FOXC1: variants seen among roughly 807,000 people sequenced by gnomAD.
The protein encoded by FOXC1 is forkhead box protein C1.
Under a neutral mutation model 8.1 loss-of-function variants are expected in FOXC1, and 5 were observed. That is an observed-to-expected ratio of 0.62 (90% CI 0.32 to 1.30). FOXC1 has a LOEUF of 1.30. FOXC1 is among the 50% of genes most tolerant of loss of function. The pLI is 0.05. For synonymous variants in FOXC1, 552 were observed against 417.2 expected, an observed-to-expected ratio of 1.32 and a Z score of -3.94; for missense variants, 942 against 858.0, an observed-to-expected ratio of 1.10 and a Z score of -1.22.
chr6:1,613,065 T>A lies in FOXC1; in HGVS notation c.*958T>A, dbSNP rs549895092. Reference sequence around the variant, plus strand: ...TGAGGCTAGTAAAAAGATATTTTTCTAAACAGATTGGAGTTGGCATATAAA... The same window carrying A: ...TGAGGCTAGTAAAAAGATATTTTTCAAAACAGATTGGAGTTGGCATATAAA... On this transcript the variant is annotated 3_prime_UTR_variant, in exon 1 of 1. Coordinates refer to ENST00000645831, the MANE Select transcript of FOXC1 (RefSeq NM_001453.3). 8.0e-4 allele frequency: 188 copies of A among 234,906 alleles called. No individual in the cohort carries two copies. The highest frequency in any genetic ancestry group is 2.8e-3 in the Admixed American group (48 of 17,316). The allele number at this position is 234,906 out of a possible 1,614,324, so 14.6% of individuals were successfully genotyped here.
chr6:1,611,107 T>C lies in FOXC1; in HGVS notation c.662T>C (p.Val221Ala), dbSNP rs768405602. The C allele has an allele frequency of 7.3e-7, 1 of 1,377,426 alleles. No homozygotes were observed. The highest frequency in any genetic ancestry group is 1.6e-5 in the South Asian group (1 of 61,624). The allele number at this position is 1,377,426 out of a possible 1,614,324, so 85.3% of individuals were successfully genotyped here. Residue 221 changes from valine to alanine, a missense_variant, in exon 1 of 1, where the codon GTG (valine) becomes GCG (alanine). Physicochemically the swap from Val to Ala is moderately conservative, Grantham distance 64. Around this residue, in one of 4 missense-constraint regions of FOXC1, gnomAD observed 726 missense variants for 599.6 expected, o/e 1.21. Transcript: ENST00000645831. This position sits in a 1 kb window ranked among gnomAD's most constrained non-coding sequence, Gnocchi z 7.1. ...GNAPGPQPPP[V>A]RIQDIKTENG... Reference sequence around the variant, plus strand: ...GCGCCCGGTCCGCAGCCGCCGCCCGTGCGCATCCAGGACATCAAGACCGAG... The same window carrying C: ...GCGCCCGGTCCGCAGCCGCCGCCCGCGCGCATCCAGGACATCAAGACCGAG...
Position 1,611,022 on chromosome 6 carries a change from G to T in FOXC1, c.577G>T (p.Glu193Ter). ...GGAGAAGGACAGGCTGCACCTCAAG[G>T]AGCCGCCCCCGCCCGGCCGCCAGCC... Reference protein sequence around the residue: ...KEEKDRLHLKEPPPPGRQPPP... With the variant: ...KEEKDRLHLK Residue 193 changes from glutamate to a stop codon, truncating the protein, a stop_gained, in exon 1 of 1, where the codon GAG becomes TAG. Transcript: ENST00000645831. LOFTEE classifies it low-confidence loss of function (END_TRUNC). The surrounding 1 kb of genome is among the most constrained non-coding windows in gnomAD (Gnocchi z 7.1). 6.3e-7 allele frequency: 1 copy of T among 1,582,826 alleles called. No individual in the cohort carries two copies. The highest frequency in any genetic ancestry group is 8.6e-7 in the Non-Finnish European group (1 of 1,165,658).
At position 1,611,159 on chromosome 6, in the gene FOXC1, GC is replaced by G; in HGVS notation, c.718del (p.Leu240CysfsTer75). On this transcript the variant is annotated frameshift_variant, in exon 1 of 1. Transcript: ENST00000645831. LOFTEE classifies it low-confidence loss of function (END_TRUNC). The surrounding 1 kb of genome is among the most constrained non-coding windows in gnomAD (Gnocchi z 7.1). ...ACGGTACGTGCCCCTCGCCGCCCCA[GC>G]CCCTGTCCCCGGCCGCCGCCCTGGG... Reference protein sequence around the residue: ...ENGTCPSPPQPLSPAAALGSG... With the variant: ...ENGTCPSPPQXLSPAAALGSG... The G allele has an allele frequency of 6.9e-7, 1 of 1,452,464 alleles. No individual in the cohort carries two copies. The highest frequency in any genetic ancestry group is 2.3e-5 in the Admixed American group (1 of 43,424). The allele number at this position is 1,452,464 out of a possible 1,614,324, so 90.0% of individuals were successfully genotyped here.
Position 1,611,793 on chromosome 6 carries a change from G to A in FOXC1, c.1348G>A (p.Gly450Ser), listed in dbSNP as rs1172493132. The A allele has an allele frequency of 6.8e-7, 1 of 1,463,172 alleles. No individual in the cohort carries two copies. The highest frequency in any genetic ancestry group is 9.0e-7 in the Non-Finnish European group (1 of 1,111,416). 90.6% of individuals were successfully genotyped at this position (1,463,172 alleles called of 1,614,324 possible). ...SSSSLSHGGG[G>S]GGGGGGQEAG... Reference sequence around the variant, plus strand: ...GTCGTCCCTGAGTCACGGCGGCGGCGGCGGCGGCGGCGGGGGAGGCCAGGA... The same window carrying A: ...GTCGTCCCTGAGTCACGGCGGCGGCAGCGGCGGCGGCGGGGGAGGCCAGGA... The change falls in exon 1 of 1, where the codon GGC becomes AGC. Residue 450 changes from glycine (G) to serine (S), a missense_variant. Gly to Ser is a moderately conservative substitution (Grantham distance 56, BLOSUM62 0). This residue lies in a region of FOXC1 where 726 missense variants were observed against 599.6 expected (regional missense o/e 1.21). Transcript: ENST00000645831. The surrounding 1 kb of genome is among the most constrained non-coding windows in gnomAD (Gnocchi z 7.1).
At position 1,611,404 on chromosome 6, in the gene FOXC1, C is replaced by T. The variant is rs1762543165; in HGVS notation, c.959C>T (p.Ser320Leu). The T allele has an allele frequency of 2.1e-6, 3 of 1,448,602 alleles. No homozygotes were observed. Among genetic ancestry groups the T allele is most frequent in the South Asian group, 1.3e-5 (1 of 76,612 alleles). The allele number at this position is 1,448,602 out of a possible 1,614,324, so 89.7% of individuals were successfully genotyped here. The change falls in exon 1 of 1, where the codon TCG becomes TTG. Residue 320 changes from serine to leucine, a missense_variant. Transcript: ENST00000645831. The surrounding 1 kb of genome is among the most constrained non-coding windows in gnomAD (Gnocchi z 7.1). ...VDNIMTSLRGSPQSAAAELSS... is the reference protein window; with the variant it reads ...VDNIMTSLRGLPQSAAAELSS... Reference sequence around the variant, plus strand: ...AACATCATGACGTCGCTGCGGGGGTCGCCGCAGAGCGCGGCCGCGGAGCTC... The same window carrying T: ...AACATCATGACGTCGCTGCGGGGGTTGCCGCAGAGCGCGGCCGCGGAGCTC...
rs1488149748 is a variant in FOXC1, at chr6:1,612,129, A to C, written c.*22A>C. The C allele has an allele frequency of 6.2e-7, 1 of 1,613,906 alleles. No homozygotes were observed. The highest frequency in any genetic ancestry group is 8.5e-7 in the Non-Finnish European group (1 of 1,180,008). ...TTGACACACCCTCAAAGCCGAACTAAATCGAACCCCAAAGCAGGAAAAGCT... is the reference window on the plus strand; with the variant it reads ...TTGACACACCCTCAAAGCCGAACTACATCGAACCCCAAAGCAGGAAAAGCT... On this transcript the variant is annotated 3_prime_UTR_variant, in exon 1 of 1. Transcript: ENST00000645831.
At position 1,612,412 on chromosome 6, in the gene FOXC1, C is replaced by G. The variant is rs1037993239; in HGVS notation, c.*305C>G. 3 of 517,734 alleles carry G rather than the reference C, an allele frequency of 5.8e-6. No individual in the cohort carries two copies. Among genetic ancestry groups the G allele is most frequent in the Non-Finnish European group, 1.1e-5 (3 of 281,404 alleles). The allele number at this position is 517,734 out of a possible 1,614,324, so 32.1% of individuals were successfully genotyped here. On this transcript the variant is annotated 3_prime_UTR_variant, in exon 1 of 1. Transcript: ENST00000645831. ...TGGTTTATTAAAGGACAGTGTTACT[C>G]CAGATAACACGTAAGTTTCTTCTTG...
rs1762595952 is a variant in FOXC1, at chr6:1,613,706, A to G, written c.*1599A>G. ...GCCCTGCCAATCAGACTTTGGGGAG[A>G]TGGCGATTTGATTACAGACGTTCGG... On this transcript the variant is annotated 3_prime_UTR_variant, in exon 1 of 1. Coordinates refer to ENST00000645831, the MANE Select transcript of FOXC1 (RefSeq NM_001453.3). The G allele has an allele frequency of 7.3e-6, 1 of 136,906 alleles. No individual in the cohort carries two copies. Among genetic ancestry groups the G allele is most frequent in the African/African-American group, 3.3e-5 (1 of 30,426 alleles). 8.5% of individuals were successfully genotyped at this position (136,906 alleles called of 1,614,324 possible).
chr6:1,611,440 T>C lies in FOXC1; in HGVS notation c.995T>C (p.Leu332Pro), dbSNP rs780556121. The C allele has an allele frequency of 7.1e-7, 1 of 1,406,342 alleles. No homozygotes were observed. Among genetic ancestry groups the C allele is most frequent in the Admixed American group, 2.8e-5 (1 of 36,188 alleles). 87.1% of individuals were successfully genotyped at this position (1,406,342 alleles called of 1,614,324 possible). ...QSAAAELSSG[L>P]LASAAASSRA... The stretch of plus-strand genomic sequence containing the variant: ...GCGGCCGCGGAGCTCAGCTCCGGCC[T>C]TCTGGCCTCGGCGGCCGCGTCCTCG... The change falls in exon 1 of 1, where the codon CTT (leucine) becomes CCT (proline). Residue 332 changes from leucine to proline, a missense_variant. By Grantham distance (98) the Leu-to-Pro change is moderately conservative (BLOSUM62 -3). Around this residue, in one of 4 missense-constraint regions of FOXC1, gnomAD observed 726 missense variants for 599.6 expected, o/e 1.21. Coordinates refer to ENST00000645831, the MANE Select transcript of FOXC1 (RefSeq NM_001453.3). The surrounding 1 kb of genome is among the most constrained non-coding windows in gnomAD (Gnocchi z 7.1).
At position 1,611,045 on chromosome 6, in the gene FOXC1, G is replaced by C. The variant is rs549370363; in HGVS notation, c.600G>C (p.Gln200His). The C allele has an allele frequency of 2.1e-4, 312 of 1,515,920 alleles. 6 individuals are homozygous for C. The South Asian group carries it at 3.6e-3, about 18-fold the overall frequency. 93.9% of individuals were successfully genotyped at this position (1,515,920 alleles called of 1,614,324 possible). ...HLKEPPPPGR[Q>H]PPPAPPEQAD... Reference sequence around the variant, plus strand: ...AGGAGCCGCCCCCGCCCGGCCGCCAGCCCCCGCCCGCGCCGCCGGAGCAGG... The same window carrying C: ...AGGAGCCGCCCCCGCCCGGCCGCCACCCCCCGCCCGCGCCGCCGGAGCAGG... The change falls in exon 1 of 1, where the codon CAG becomes CAC. Residue 200 changes from glutamine (Q) to histidine (H), a missense_variant. Transcript: ENST00000645831. The surrounding 1 kb of genome is among the most constrained non-coding windows in gnomAD (Gnocchi z 7.1).
rs116336796 is a variant in FOXC1 at position 1,612,212 on chromosome 6, C to A, written c.*105C>A. ...AAAAAAAAAATCCAATTAAAAAAAA[C>A]CCCTGAGAATATTCACCACACCAGC... On this transcript the variant is annotated 3_prime_UTR_variant, in exon 1 of 1. Transcript: ENST00000645831. 62,936 of 1,529,766 alleles carry A rather than the reference C, an allele frequency of 0.041. 1,552 individuals are homozygous for A. The highest frequency in any genetic ancestry group is 0.045 in the Non-Finnish European group (51,167 of 1,127,614). 94.8% of individuals were successfully genotyped at this position (1,529,766 alleles called of 1,614,324 possible).
Position 1,610,856 on chromosome 6 carries a change from C to T in FOXC1, c.411C>T (p.Val137=). The T allele has an allele frequency of 1.2e-6, 2 of 1,614,102 alleles. No homozygotes were observed. Among genetic ancestry groups the T allele is most frequent in the East Asian group, 2.2e-5 (1 of 44,852 alleles). Residue 137 remains valine (V), a synonymous_variant, in exon 1 of 1, where the codon GTC becomes GTT. Coordinates refer to ENST00000645831, the MANE Select transcript of FOXC1 (RefSeq NM_001453.3). ...ACCTCTCGCTCAACGAGTGCTTCGT[C>T]AAGGTGCCGCGCGACGACAAGAAGC... is the stretch of plus-strand genomic sequence containing the variant. ...RHNLSLNECF[V]KVPRDDKKPG...
Position 1,610,682 on chromosome 6 carries a change from G to T in FOXC1, c.237G>T (p.Pro79=), listed in dbSNP as rs1762520369. 6.2e-7 allele frequency: 1 copy of T among 1,613,772 alleles called. No individual in the cohort carries two copies. The highest frequency in any genetic ancestry group is 2.2e-5 in the East Asian group (1 of 44,816). ...CGCAGCCCAAGGACATGGTGAAGCC[G>T]CCCTATAGCTACATCGCGCTCATCA... ...PQPQPKDMVK[P]PYSYIALITM... The change falls in exon 1 of 1, where the codon CCG becomes CCT. Residue 79 remains proline, a synonymous_variant. Transcript: ENST00000645831.
Position 1,611,320 on chromosome 6 carries a change from C to A in FOXC1, c.875C>A (p.Pro292Gln). The part of the protein sequence containing the change: ...PLSLDGADSA[P>Q]PPPAPSAPPP... ...AGCCTGGACGGTGCGGATTCCGCGC[C>A]GCCGCCGCCCGCGCCCTCCGCCCCG... is the stretch of plus-strand genomic sequence containing the variant. The change falls in exon 1 of 1, where the codon CCG (proline) becomes CAG (glutamine). Residue 292 changes from proline to glutamine, a missense_variant. Pro to Gln is a moderately conservative substitution (Grantham distance 76). This residue lies in a region of FOXC1 where 726 missense variants were observed against 599.6 expected (regional missense o/e 1.21). Coordinates refer to ENST00000645831, the MANE Select transcript of FOXC1 (RefSeq NM_001453.3). This position sits in a 1 kb window ranked among gnomAD's most constrained non-coding sequence, Gnocchi z 7.1. The A allele has an allele frequency of 1.4e-6, 2 of 1,411,270 alleles. No individual in the cohort carries two copies. The highest frequency in any genetic ancestry group is 1.8e-6 in the Non-Finnish European group (2 of 1,081,366). The allele number at this position is 1,411,270 out of a possible 1,614,324, so 87.4% of individuals were successfully genotyped here.
In FOXC1 at chr6:1,611,321, G is replaced by C. The variant is rs1177538115; in HGVS notation, c.876G>C (p.Pro292=). ...GCCTGGACGGTGCGGATTCCGCGCC[G>C]CCGCCGCCCGCGCCCTCCGCCCCGC... ...PLSLDGADSA[P]PPPAPSAPPP... is the part of the protein sequence containing the mutation. The change falls in exon 1 of 1, where the codon CCG becomes CCC. Residue 292 remains proline, a synonymous_variant. Transcript: ENST00000645831. This position sits in a 1 kb window ranked among gnomAD's most constrained non-coding sequence, Gnocchi z 7.1. The C allele has an allele frequency of 7.1e-7, 1 of 1,414,046 alleles. No homozygotes were observed. Among genetic ancestry groups the C allele is most frequent in the Non-Finnish European group, 9.2e-7 (1 of 1,082,692 alleles). The allele number at this position is 1,414,046 out of a possible 1,614,324, so 87.6% of individuals were successfully genotyped here.
Position 1,612,443 on chromosome 6 carries a change from C to T in FOXC1, c.*336C>T, listed in dbSNP as rs1339287626. 3 of 464,568 alleles carry T rather than the reference C, an allele frequency of 6.5e-6. No individual in the cohort carries two copies. Among genetic ancestry groups the T allele is most frequent in the East Asian group, 4.0e-5 (1 of 25,266 alleles). 28.8% of individuals were successfully genotyped at this position (464,568 alleles called of 1,614,324 possible). On this transcript the variant is annotated 3_prime_UTR_variant, in exon 1 of 1. Transcript: ENST00000645831. The stretch of plus-strand genomic sequence containing the variant: ...AACACGTAAGTTTCTTCTTGCTTTT[C>T]AGAGACCTGCTTTCCCCTCCTCCCG...
At position 1,610,565 on chromosome 6, in the gene FOXC1, G is replaced by T. The variant is rs1239393971; in HGVS notation, c.120G>T (p.Met40Ile). Residue 40 changes from methionine (M) to isoleucine (I), a missense_variant, in exon 1 of 1, where the codon ATG becomes ATT. Coordinates refer to ENST00000645831, the MANE Select transcript of FOXC1 (RefSeq NM_001453.3). ...AAAAGGGYTA[M>I]PAPMSVYSHP... ...CGGCCGGGGGCGGCTACACCGCCAT[G>T]CCGGCCCCCATGAGCGTGTACTCGC... The T allele has an allele frequency of 5.1e-6, 8 of 1,573,830 alleles. No homozygotes were observed. Among genetic ancestry groups the T allele is most frequent in the Non-Finnish European group, 6.9e-6 (8 of 1,160,994 alleles).
rs759065232 is a variant in FOXC1, at chr6:1,610,715, C to T, written c.270C>T (p.Ala90=). The T allele has an allele frequency of 1.2e-6, 2 of 1,614,010 alleles. No individual in the cohort carries two copies. Among genetic ancestry groups the T allele is most frequent in the South Asian group, 1.1e-5 (1 of 91,082 alleles). ...GCTACATCGCGCTCATCACCATGGC[C>T]ATCCAGAACGCCCCGGACAAGAAGA... The part of the protein sequence containing the change: ...PYSYIALITM[A]IQNAPDKKIT... Residue 90 remains alanine (A), a synonymous_variant, in exon 1 of 1, where the codon GCC becomes GCT. Coordinates refer to ENST00000645831, the MANE Select transcript of FOXC1 (RefSeq NM_001453.3).
Position 1,612,265 on chromosome 6 carries a change from C to A in FOXC1, c.*158C>A. 1 of 1,109,748 alleles carries A rather than the reference C, an allele frequency of 9.0e-7. No homozygotes were observed. The highest frequency in any genetic ancestry group is 1.3e-6 in the Non-Finnish European group (1 of 771,230). 68.7% of individuals were successfully genotyped at this position (1,109,748 alleles called of 1,614,324 possible). On this transcript the variant is annotated 3_prime_UTR_variant, in exon 1 of 1. Transcript: ENST00000645831. ...ACAGAATATCCCTCCAAAAATTCAG[C>A]TCACCAGCACCAGCACGAAGAAAAC...
Sources: allele counts gnomAD v4.1 joint callset, GRCh38; gene constraint gnomAD v4.1.1; regional missense constraint gnomAD v4.1.1; non-coding constraint Gnocchi (gnomAD v3.1); transcripts MANE v1.5; gene names NCBI Gene and HGNC (gene_info 2026-07-23, HGNC 2026-07-21).